SLAMF1: variants seen among roughly 807,000 people sequenced by gnomAD.
SLAMF1 encodes the protein signaling lymphocytic activation molecule.
A neutral mutation model predicts 35.1 loss-of-function variants in SLAMF1; 18 were observed. That is an observed-to-expected ratio of 0.51 (90% CI 0.35 to 0.76). SLAMF1 has a LOEUF of 0.76. Among genes scored for constraint, SLAMF1 ranks in the 30% least tolerant of loss-of-function variants. SLAMF1 has a pLI of 0.01. For synonymous variants in SLAMF1, 168 were observed against 157.2 expected (o/e 1.07, Z -0.51); for missense variants, 392 against 413.0 (o/e 0.95, Z 0.44).
intron 5 of SLAMF1, among the ~76,000 whole-genome samples, chr1:160,616,791 A>G (rs1659321326): frequency 6.6e-6 from 1 of 152,236 alleles, no homozygotes; most frequent in Non-Finnish European, 1.5e-5. Flanking sequence ...GATGTGGAAT[A>G]AAAGCATAAT....
intron 3 of SLAMF1, among the ~76,000 whole-genome samples, chr1:160,625,014 T>A (rs1461117769): frequency 6.6e-6 from 1 of 152,204 alleles, no homozygotes; most frequent in African/African-American, 2.4e-5. Context: ...ATCCTCACAA[T>A]AATCTTACAA....
rs148599426 is a variant in SLAMF1 at position 160,645,072 on chromosome 1, A to G, written c.76+1798T>C. ...TGTGAACCTAAAACTGCTCTAAAAA[A>G]TAAAGTCTATTAAAACAAATCTCAT... On this transcript the variant is annotated intron_variant, in intron 1 of 6. Coordinates refer to ENST00000302035, the MANE Select transcript of SLAMF1 (RefSeq NM_003037.5). Among the ~76,000 whole-genome samples, 473 of 152,372 alleles carry G rather than the reference A, an allele frequency of 3.1e-3. 1 individual carries two copies. Among genetic ancestry groups the G allele is most frequent in the African/African-American group, 0.011 (450 of 41,584 alleles).
chr1:160,628,171 T>C (rs1659982496), intron 3 of SLAMF1, among the ~76,000 whole-genome samples: 1 of 152,156 alleles, frequency 6.6e-6, no homozygotes, highest in Non-Finnish European at 1.5e-5. Flanking sequence ...ACTAATACAA[T>C]CAGTTTCCAC....
At chr1:160,611,281 GA>G (rs1422993242) in intron 6 of SLAMF1, among the ~76,000 whole-genome samples, 1 of 152,192 alleles carries the variant, frequency 6.6e-6, no homozygotes, top group African/African-American at 2.4e-5. Flanking sequence ...AAGAAACAAA[GA>G]AAATAGAATT....
chr1:160,637,417 G>A lies in SLAMF1; in HGVS notation c.189C>T (p.Val63=), dbSNP rs35824111. Residue 63 remains valine (V), a synonymous_variant, in exon 2 of 7, where the codon GTC becomes GTT. Coordinates refer to ENST00000302035, the MANE Select transcript of SLAMF1 (RefSeq NM_003037.5). ...TCTCCAGTGATTTTGCCATTGTGACGACAATGTGGATGCTTTTGTTCATGC... is the reference window on the plus strand; with the variant it reads ...TCTCCAGTGATTTTGCCATTGTGACAACAATGTGGATGCTTTTGTTCATGC... ...NKSMNKSIHI[V]VTMAKSLENS... 63 of 1,613,708 alleles carry A rather than the reference G, an allele frequency of 3.9e-5. No individual in the cohort carries two copies. Among genetic ancestry groups the A allele is most frequent in the African/African-American group, 3.9e-4 (29 of 75,040 alleles).
At chr1:160,614,957 A>G (rs1271247957) in intron 5 of SLAMF1, among the ~76,000 whole-genome samples, 1 of 152,164 alleles carries the variant, frequency 6.6e-6, no homozygotes, top group South Asian at 2.1e-4. Flanking sequence ...AATTTTTGTG[A>G]ATGGTGGCCG....
At position 160,608,962 on chromosome 1, in the gene SLAMF1, A is replaced by T. The variant is rs1433757113; in HGVS notation, c.*1786T>A. The T allele has an allele frequency of 6.6e-6, 1 of 152,216 alleles. No homozygotes were observed. Among genetic ancestry groups the T allele is most frequent in the Non-Finnish European group, 1.5e-5 (1 of 68,040 alleles). 9.4% of individuals were successfully genotyped at this position (152,216 alleles called of 1,614,324 possible). On this transcript the variant is annotated 3_prime_UTR_variant, in exon 7 of 7. Transcript: ENST00000302035. The stretch of plus-strand genomic sequence containing the variant: ...ATTCAATTCCCAGCCCCCCTTGGAG[A>T]TAGGACATGGACATGTGACCTAGGA...
intron 6 of SLAMF1, 49 bp downstream of exon 6, chr1:160,612,439 T>C: frequency 8.0e-7 from 1 of 1,249,302 alleles, no homozygotes. Context: ...CATTTTCCCC[T>C]CCTTCATGTA....
At chr1:160,622,156 T>C (rs962973169) in intron 4 of SLAMF1, among the ~76,000 whole-genome samples, 4 of 152,140 alleles carry the variant, frequency 2.6e-5, no homozygotes, top group South Asian at 4.2e-4. Context: ...AAAAGGACCA[T>C]TGGACCAAGA....
chr1:160,613,582 T>G (rs138537174), intron 5 of SLAMF1, among the ~76,000 whole-genome samples: 1 of 152,228 alleles, frequency 6.6e-6, no homozygotes, highest in South Asian at 2.1e-4. Flanking sequence ...GGGATAATGC[T>G]GCTGTCCACT....
chr1:160,625,181 C>T (rs147270480), intron 3 of SLAMF1, among the ~76,000 whole-genome samples: 74 of 152,140 alleles, frequency 4.9e-4, no homozygotes, highest in African/African-American at 1.7e-3. Flanking sequence ...AAAGTTATAC[C>T]GGGGTAATGA....
At position 160,624,189 on chromosome 1, in the gene SLAMF1, G is replaced by T. The variant is rs775351560; in HGVS notation, c.701-4C>A. 2 of 1,562,970 alleles carry T rather than the reference G, an allele frequency of 1.3e-6. No individual in the cohort carries two copies. The highest frequency in any genetic ancestry group is 4.6e-5 in the East Asian group (2 of 43,606). Reference sequence around the variant, plus strand: ...TACACTGCCCATGGTTTTGTTTCTGGAAAAAAAAAGAAGTCAAAGAGCAAT... The same window carrying T: ...TACACTGCCCATGGTTTTGTTTCTGTAAAAAAAAAGAAGTCAAAGAGCAAT... On this transcript the variant is annotated splice_region_variant and splice_polypyrimidine_tract_variant and intron_variant, in intron 3 of 6. Transcript: ENST00000302035.
chr1:160,625,138 C>G (rs1659811485), intron 3 of SLAMF1, among the ~76,000 whole-genome samples: 1 of 152,108 alleles, frequency 6.6e-6, no homozygotes. Flanking sequence ...AGACAGACTT[C>G]TTGGAGAGTT....
chr1:160,640,543 T>C, intron 1 of SLAMF1, among the ~76,000 whole-genome samples: 1 of 151,872 alleles, frequency 6.6e-6, no homozygotes. Flanking sequence ...ACCATCAGCT[T>C]AAGTAATGCA....
chr1:160,617,688 G>GT (rs1353897531), intron 5 of SLAMF1, among the ~76,000 whole-genome samples: 1 of 152,212 alleles, frequency 6.6e-6, no homozygotes, highest in African/African-American at 2.4e-5. Context: ...GAGAGAGGAA[G>GT]TAATGATTGG....
chr1:160,636,655 G>A (rs934975429), intron 2 of SLAMF1, among the ~76,000 whole-genome samples: 1 of 152,266 alleles, frequency 6.6e-6, no homozygotes, highest in Non-Finnish European at 1.5e-5. Context: ...CTTCCACCAA[G>A]TAGGTATGAT....
chr1:160,646,678 TG>T (rs1407642540), intron 1 of SLAMF1, among the ~76,000 whole-genome samples, 191 bp downstream of exon 1: 1 of 152,174 alleles, frequency 6.6e-6, no homozygotes, highest in Non-Finnish European at 1.5e-5. Flanking sequence ...GGCTGAGTCT[TG>T]GAAACCCAAG....
intron 3 of SLAMF1, among the ~76,000 whole-genome samples, chr1:160,629,921 C>T: frequency 6.6e-6 from 1 of 152,200 alleles, no homozygotes; most frequent in East Asian, 1.9e-4. Flanking sequence ...ATCTAAGTGA[C>T]TCTGAAACAA....
chr1:160,634,813 T>C lies in SLAMF1; in HGVS notation c.500A>G (p.Glu167Gly). 2 of 1,614,102 alleles carry C rather than the reference T, an allele frequency of 1.2e-6. No individual in the cohort carries two copies. Among genetic ancestry groups the C allele is most frequent in the Non-Finnish European group, 1.7e-6 (2 of 1,180,006 alleles). The change falls in exon 3 of 7, where the codon GAG becomes GGG. Residue 167 changes from glutamate to glycine, a missense_variant. Transcript: ENST00000302035. ...GCTGTAAGCCACATGGTCCCCCTTC[T>C]CCACTGTGCAGCCCAGTATCAAGGT... ...TCTLILGCTV[E>G]KGDHVAYSWS...
Sources: gnomAD v4.1 joint callset for allele counts (sites outside exome capture counted in the v4.1 genomes callset) on GRCh38, gnomAD v4.1.1 for gene constraint, MANE v1.5 for transcripts, NCBI Gene and HGNC (gene_info 2026-07-23, HGNC 2026-07-21) for gene names.